Variants in CSMD1 observed in about 807,000 individuals in gnomAD.
The protein encoded by CSMD1 is CUB and Sushi multiple domains 1.
CSMD1 carries 213 observed loss-of-function variants against 417.5 expected under a neutral mutation model. That is an observed-to-expected ratio of 0.51 (90% CI 0.46 to 0.57). The LOEUF is 0.57. Ranked by LOEUF, CSMD1 falls within the 20% of genes least tolerant of loss-of-function variation. The pLI, the probability that CSMD1 is intolerant of heterozygous loss-of-function variation, is 0.00. For synonymous variants in CSMD1, 2,862 were observed against 1,736.8 expected (o/e 1.65, Z -16.11); for missense variants, 6,923 against 4,529.7 (o/e 1.53, Z -15.17).
At chr8:4,303,185 G>T (rs1330573230) in intron 3 of CSMD1, among the ~76,000 whole-genome samples, 1 of 152,000 alleles carries the variant, frequency 6.6e-6, no homozygotes, top group Non-Finnish European at 1.5e-5. Flanking sequence ...AATATTGTGG[G>T]CTTGCAACTG....
At chr8:3,974,805 A>G (rs951867984) in intron 5 of CSMD1, among the ~76,000 whole-genome samples, 12 of 152,146 alleles carry the variant, frequency 7.9e-5, no homozygotes, top group African/African-American at 2.9e-4. Flanking sequence ...ACAATTTTTT[A>G]TAAAGCATCT....
chr8:4,455,963 A>AAAAAAAAAAAAC (rs1799448292), intron 2 of CSMD1, among the ~76,000 whole-genome samples: 1 of 133,756 alleles, frequency 7.5e-6, no homozygotes, highest in Non-Finnish European at 1.6e-5. Context: ...AAAAAAAAAA[A>AAAAAAAAAAAAC]TGCAGTTAAG....
intron 25 of CSMD1, among the ~76,000 whole-genome samples, chr8:3,296,304 G>A (rs1406257158): frequency 2.0e-5 from 3 of 151,634 alleles, no homozygotes; most frequent in Non-Finnish European, 4.4e-5. Flanking sequence ...CCACGTAAGG[G>A]GCATACCGTC....
At chr8:3,651,709 T>C (rs1305018159) in intron 7 of CSMD1, among the ~76,000 whole-genome samples, 1 of 151,922 alleles carries the variant, frequency 6.6e-6, no homozygotes, top group Non-Finnish European at 1.5e-5. Flanking sequence ...CTTACCACCA[T>C]CACAGTGCTT....
chr8:4,716,841 G>C (rs969305720), intron 1 of CSMD1, among the ~76,000 whole-genome samples: 3 of 152,034 alleles, frequency 2.0e-5, no homozygotes, highest in Non-Finnish European at 4.4e-5. Flanking sequence ...TAATGAATTT[G>C]AAACAACCAA....
chr8:2,951,135 G>T lies in CSMD1; in HGVS notation c.10180C>A (p.Pro3394Thr). The T allele has an allele frequency of 6.2e-7, 1 of 1,613,288 alleles. No individual in the cohort carries two copies. Among genetic ancestry groups the T allele is most frequent in the Non-Finnish European group, 8.5e-7 (1 of 1,179,514 alleles). Residue 3394 changes from proline to threonine, a missense_variant, in exon 66 of 70, where the codon CCA (proline) becomes ACA (threonine). Transcript: ENST00000635120. ...CTACCTGTCAACTTCAGCTCCACTG[G>T]CGAGGCTTCGCTGAAGGTGGCATTC... is the stretch of plus-strand genomic sequence containing the variant. Reference protein sequence around the residue: ...KVNATFSEASPVELKLTGIYK... With the variant: ...KVNATFSEASTVELKLTGIYK...
At chr8:3,301,606 G>C (rs963959128) in intron 25 of CSMD1, among the ~76,000 whole-genome samples, 2 of 152,176 alleles carry the variant, frequency 1.3e-5, no homozygotes, top group Admixed American at 6.5e-5. Flanking sequence ...TGTGTAAAGA[G>C]AGCACCACAG....
chr8:4,156,893 T>C (rs7839331), intron 3 of CSMD1, among the ~76,000 whole-genome samples: 3,141 of 152,208 alleles, frequency 0.021, 115 homozygotes, highest in African/African-American at 0.071. Flanking sequence ...TAAAATGGAG[T>C]GCATTTTTCT....
rs189502586 is a variant in CSMD1, at chr8:3,468,067, G to C, written c.1561+645C>G. Among the ~76,000 whole-genome samples, 4 of 152,226 alleles carry C rather than the reference G, an allele frequency of 2.6e-5. No homozygotes were observed. In the East Asian group the frequency reaches 5.8e-4, roughly 22 times the overall value. The stretch of plus-strand genomic sequence containing the variant: ...AGATATTTTAAAAACTATTTCAAAG[G>C]AGAATCCAAAGATCACAACTATATA... On this transcript the variant is annotated intron_variant, in intron 12 of 69. Transcript: ENST00000635120.
intron 4 of CSMD1, among the ~76,000 whole-genome samples, chr8:4,011,321 G>T (rs957372939): frequency 5.9e-5 from 9 of 152,104 alleles, no homozygotes; most frequent in Non-Finnish European, 1.0e-4. Context: ...ATATAACCGT[G>T]CTCCAATTGC....
At chr8:4,449,935 G>A (rs560506838) in intron 2 of CSMD1, among the ~76,000 whole-genome samples, 35 of 152,312 alleles carry the variant, frequency 2.3e-4, no homozygotes, top group Non-Finnish European at 2.8e-4. Flanking sequence ...ATACACAGAA[G>A]ATGCTCAATT....
At chr8:3,497,909 G>C (rs1796434013) in intron 10 of CSMD1, among the ~76,000 whole-genome samples, 3 of 152,146 alleles carry the variant, frequency 2.0e-5, no homozygotes, top group Non-Finnish European at 4.4e-5. Flanking sequence ...TCTTTTGTGT[G>C]TCTTCACAAT....
At position 3,984,182 on chromosome 8, in the gene CSMD1, G is replaced by T. The variant is rs866628553; in HGVS notation, c.818+13721C>A. The stretch of plus-strand genomic sequence containing the variant: ...GCACATCGCAGAAAATTCAGGTCAG[G>T]AACCTCTCAGACTGCGCTTGCACCC... On this transcript the variant is annotated intron_variant, in intron 5 of 69. Transcript: ENST00000635120. Among the ~76,000 whole-genome samples the T allele has an allele frequency of 4.5e-5, 5 of 110,866 alleles. No individual in the cohort carries two copies. In the Admixed American group the frequency reaches 4.7e-4, roughly 10 times the overall value. 72.7% of individuals were successfully genotyped at this position (110,866 alleles called of 152,430 possible).
At chr8:3,388,863 T>G (rs1811168924) in intron 17 of CSMD1, among the ~76,000 whole-genome samples, 1 of 150,600 alleles carries the variant, frequency 6.6e-6, no homozygotes, top group Admixed American at 6.6e-5. Flanking sequence ...TGCTCCTCCC[T>G]CCCTCTCTCT....
chr8:2,942,118 C>T (rs2670074), intron 69 of CSMD1, among the ~76,000 whole-genome samples: 49,238 of 151,716 alleles, frequency 0.32, 9,506 homozygotes, highest in East Asian at 0.62. Flanking sequence ...TGAGTGGGAG[C>T]TGAACGATGA....
chr8:4,169,265 G>A (rs764275486), intron 3 of CSMD1, among the ~76,000 whole-genome samples: 2 of 152,118 alleles, frequency 1.3e-5, no homozygotes, highest in Admixed American at 6.5e-5. Context: ...TCTGATGGGT[G>A]CCTCAATCTT....
At chr8:4,038,079 A>G (rs1490379640) in intron 3 of CSMD1, among the ~76,000 whole-genome samples, 3 of 152,300 alleles carry the variant, frequency 2.0e-5, no homozygotes, top group South Asian at 4.1e-4. Context: ...TGGAAGTAAA[A>G]TAACTCAGCA....
chr8:4,661,678 T>C (rs1423258872), intron 1 of CSMD1, among the ~76,000 whole-genome samples: 1 of 152,214 alleles, frequency 6.6e-6, no homozygotes, highest in Non-Finnish European at 1.5e-5. Flanking sequence ...TATTATTGTT[T>C]ACAACTTCAT....
intron 3 of CSMD1, among the ~76,000 whole-genome samples, chr8:4,271,488 G>C (rs555331703): frequency 6.0e-5 from 9 of 151,190 alleles, no homozygotes; most frequent in South Asian, 4.2e-4. Context: ...TTTTCATAGA[G>C]AAAAAACTGC....
Sources: gnomAD v4.1 joint callset for allele counts (sites outside exome capture counted in the v4.1 genomes callset) on GRCh38, gnomAD v4.1.1 for gene constraint, MANE v1.5 for transcripts, NCBI Gene and HGNC (gene_info 2026-07-23, HGNC 2026-07-21) for gene names.